DAAM1: variants seen among roughly 807,000 people sequenced by gnomAD.
The protein encoded by DAAM1 is dishevelled associated activator of morphogenesis 1.
In DAAM1, 52 loss-of-function variants were observed where a neutral mutation model predicts 130.0. The ratio of observed to expected loss-of-function variants is 0.40; its 90% CI spans 0.32 to 0.50. The LOEUF is 0.50. DAAM1 is among the 20% of genes least tolerant of loss of function. The pLI is 0.61. For synonymous variants in DAAM1, 452 were observed against 444.5 expected, an observed-to-expected ratio of 1.02 and a Z score of -0.21; for missense variants, 1,134 against 1,303.8, an observed-to-expected ratio of 0.87 and a Z score of 2.01.
chr14:59,350,641 A>G (rs1292627110), intron 17 of DAAM1, among the ~76,000 whole-genome samples: 1 of 151,406 alleles, frequency 6.6e-6, no homozygotes, highest in Non-Finnish European at 1.5e-5. Context: ...GGCACTTGCA[A>G]CTTCCCTGTT....
At chr14:59,259,799 C>T (rs912817592) in intron 1 of DAAM1, among the ~76,000 whole-genome samples, 2 of 152,186 alleles carry the variant, frequency 1.3e-5, no homozygotes, top group Non-Finnish European at 2.9e-5. Context: ...AATCCCAGCA[C>T]TTTGGGAGGC....
At chr14:59,300,063 C>G (rs1401402711) in intron 3 of DAAM1, 1 of 152,182 alleles carries the variant, frequency 6.6e-6, no homozygotes, top group Non-Finnish European at 1.5e-5. Flanking sequence ...AATTCCTACT[C>G]TGCTGCCTAG....
intron 1 of DAAM1, among the ~76,000 whole-genome samples, chr14:59,209,742 T>G (rs551021934): frequency 6.6e-6 from 1 of 152,316 alleles, no homozygotes; most frequent in South Asian, 2.1e-4. Flanking sequence ...CTTACAGTGT[T>G]ATCAACATAC....
chr14:59,300,312 A>G (rs1884118371), intron 3 of DAAM1, among the ~76,000 whole-genome samples: 1 of 152,228 alleles, frequency 6.6e-6, no homozygotes. Flanking sequence ...TTGTAATTCA[A>G]TAGAGCATTC....
chr14:59,335,980 A>G (rs1885613083), intron 15 of DAAM1, among the ~76,000 whole-genome samples: 1 of 151,478 alleles, frequency 6.6e-6, no homozygotes, highest in South Asian at 2.1e-4. Context: ...ATCCTTAGCC[A>G]TGGCACATGA....
At chr14:59,322,280 G>C (rs1235479865) in intron 5 of DAAM1, among the ~76,000 whole-genome samples, 1 of 152,114 alleles carries the variant, frequency 6.6e-6, no homozygotes, top group Non-Finnish European at 1.5e-5. Flanking sequence ...GGGAGGCTGA[G>C]ACAGGAGGTT....
chr14:59,334,897 T>G lies in DAAM1; in HGVS notation c.1968+2977T>G, dbSNP rs138016360. 3.3e-5 allele frequency among the ~76,000 whole-genome samples: 5 copies of G among 152,312 alleles called. No individual in the cohort carries two copies. The East Asian group carries it at 5.8e-4, about 18-fold the overall frequency. On this transcript the variant is annotated intron_variant, in intron 15 of 24. Coordinates refer to ENST00000360909, the MANE Select transcript of DAAM1 (RefSeq NM_001270520.2). ...GAAAAAGCTGTAAATAACTATAATA[T>G]GGACTACAAGATGATAATATTAAGC...
chr14:59,356,672 A>C (rs1309123785), intron 20 of DAAM1, among the ~76,000 whole-genome samples: 1 of 152,218 alleles, frequency 6.6e-6, no homozygotes, highest in African/African-American at 2.4e-5. Flanking sequence ...ATTTGTGTCT[A>C]AAGAGCCTTT....
chr14:59,352,749 TC>T, intron 18 of DAAM1, 117 bp downstream of exon 18: 1 of 873,190 alleles, frequency 1.1e-6, no homozygotes, highest in Non-Finnish European at 1.7e-6. Flanking sequence ...GAAAGCTTTT[TC>T]ATTCTAAAAA....
At chr14:59,196,011 C>A (rs760235280) in intron 1 of DAAM1, among the ~76,000 whole-genome samples, 11 of 152,056 alleles carry the variant, frequency 7.2e-5, no homozygotes, top group Non-Finnish European at 1.3e-4. Flanking sequence ...GTAGGAAAAC[C>A]CTGTAAGTGA....
chr14:59,228,978 G>A (rs1889024318), intron 1 of DAAM1, among the ~76,000 whole-genome samples: 1 of 152,074 alleles, frequency 6.6e-6, no homozygotes, highest in Non-Finnish European at 1.5e-5. Context: ...ATTGTATTTA[G>A]AAAATGTTAG....
chr14:59,359,210 T>G (rs1886609219), intron 20 of DAAM1, 187 bp from the exon 21 acceptor site: 1 of 497,898 alleles, frequency 2.0e-6, no homozygotes, highest in Admixed American at 3.3e-5. Context: ...CCATTATTCC[T>G]GTCTCTTGAG....
chr14:59,231,558 C>T (rs545011571), intron 1 of DAAM1, among the ~76,000 whole-genome samples: 24 of 152,246 alleles, frequency 1.6e-4, no homozygotes, highest in African/African-American at 1.2e-4. Flanking sequence ...GTGATTAAGA[C>T]GTTGGCTCTA....
intron 1 of DAAM1, among the ~76,000 whole-genome samples, chr14:59,215,927 C>T (rs1276129630): frequency 2.6e-5 from 4 of 152,188 alleles, no homozygotes; most frequent in African/African-American, 9.7e-5. Context: ...CAGCCTTTCT[C>T]ACGTTCCTCT....
At chr14:59,231,920 G>T (rs1010796559) in intron 1 of DAAM1, among the ~76,000 whole-genome samples, 2 of 152,152 alleles carry the variant, frequency 1.3e-5, no homozygotes, top group African/African-American at 4.8e-5. Context: ...TCTTTGGGAG[G>T]TAATTTTATG....
At position 59,263,555 on chromosome 14, in the gene DAAM1, C is replaced by T. The variant is rs1401831034; in HGVS notation, c.78C>T (p.Ile26=). 1 of 1,614,188 alleles carries T rather than the reference C, an allele frequency of 6.2e-7. No individual in the cohort carries two copies. Among genetic ancestry groups the T allele is most frequent in the East Asian group, 2.2e-5 (1 of 44,884 alleles). The change falls in exon 2 of 25, where the codon ATC becomes ATT. Residue 26 remains isoleucine, a synonymous_variant. Transcript: ENST00000360909. ...CCFRNNDHPE[I]TYRLRNDSNF... ...TCCGAAATAATGATCACCCAGAAAT[C>T]ACGTATCGGCTGCGAAATGATAGCA... is the stretch of plus-strand genomic sequence containing the variant.
chr14:59,349,181 A>G (rs771135079), intron 17 of DAAM1, among the ~76,000 whole-genome samples: 10 of 152,180 alleles, frequency 6.6e-5, no homozygotes, highest in Non-Finnish European at 1.2e-4. Context: ...GCTGCACCCA[A>G]TGTGGTAACC....
chr14:59,295,573 A>G (rs991092552), intron 3 of DAAM1, among the ~76,000 whole-genome samples: 13 of 152,204 alleles, frequency 8.5e-5, no homozygotes, highest in Non-Finnish European at 1.6e-4. Context: ...CAGTTCTTTC[A>G]GTTCCTGGAG....
chr14:59,206,477 G>C (rs763082555), intron 1 of DAAM1, among the ~76,000 whole-genome samples: 2 of 152,012 alleles, frequency 1.3e-5, no homozygotes, highest in Admixed American at 6.6e-5. Flanking sequence ...GGGTTTTACC[G>C]TGTTAGCCAG....
Sources: allele counts gnomAD v4.1 joint callset (sites outside exome capture counted in the v4.1 genomes callset), GRCh38; gene constraint gnomAD v4.1.1; transcripts MANE v1.5; gene names NCBI Gene and HGNC (gene_info 2026-07-23, HGNC 2026-07-21).